The following HMGCS1 variants were observed in gnomAD, a reference collection of about 807,000 sequenced individuals.
HMGCS1 encodes 3-hydroxy-3-methylglutaryl-CoA synthase 1, also known as hydroxymethylglutaryl-CoA synthase, cytoplasmic.
HMGCS1 carries 9 observed loss-of-function variants against 52.3 expected under a neutral mutation model. The ratio of observed to expected loss-of-function variants is 0.17; its 90% confidence interval spans 0.10 to 0.30. The LOEUF is 0.30. Among genes scored for constraint, HMGCS1 ranks in the 10% least tolerant of loss-of-function variants. HMGCS1 has a pLI of 1.00. For missense variants in HMGCS1, 320 were observed against 620.9 expected (o/e 0.52, Z 5.15); for synonymous variants, 176 against 214.4 (o/e 0.82, Z 1.57).
chr5:43,298,519 A>G lies in HMGCS1; in HGVS notation c.447T>C (p.Asp149=). The stretch of plus-strand genomic sequence containing the variant: ...GCGGGGAATAGGCATGTAACATACC[A>G]TCCCAAGAGCTGGACTCAATCCAGT... ...AVNWIESSSW[D]GRYALVVAGD... The change falls in exon 3 of 11, where the codon GAT becomes GAC. Residue 149 remains aspartate, a splice_region_variant and synonymous_variant. Coordinates refer to ENST00000325110, the MANE Select transcript of HMGCS1 (RefSeq NM_001098272.3). This position sits in a 1 kb window ranked among gnomAD's most constrained non-coding sequence, Gnocchi z 5.6. The G allele has an allele frequency of 1.2e-6, 2 of 1,609,626 alleles. No individual in the cohort carries two copies. The highest frequency in any genetic ancestry group is 1.7e-6 in the Non-Finnish European group (2 of 1,176,428).
chr5:43,310,684 T>A (rs1350445515), intron 1 of HMGCS1, among the ~76,000 whole-genome samples: 1 of 152,176 alleles, frequency 6.6e-6, no homozygotes, highest in Non-Finnish European at 1.5e-5. Context: ...CTACTCTATA[T>A]GTAGTGTGTC....
At chr5:43,313,248 G>C (rs969417392) in intron 1 of HMGCS1, 108 bp downstream of exon 1, 1 of 152,528 alleles carries the variant, frequency 6.6e-6, no homozygotes, top group Non-Finnish European at 1.5e-5. Context: ...TCCTGACCCA[G>C]AGCCCCAGCT....
chr5:43,300,802 G>GA (rs34564699), intron 2 of HMGCS1, among the ~76,000 whole-genome samples: 168 of 120,396 alleles, frequency 1.4e-3, no homozygotes, highest in East Asian at 8.3e-3. Context: ...ATAGAGAAAG[G>GA]AAAAAAAAAA....
chr5:43,311,908 C>T (rs1344732659), intron 1 of HMGCS1, among the ~76,000 whole-genome samples: 3 of 152,184 alleles, frequency 2.0e-5, no homozygotes, highest in Non-Finnish European at 4.4e-5. Flanking sequence ...TAAAGTAGAA[C>T]CGAATAAAGG....
intron 6 of HMGCS1, 64 bp from the exon 7 acceptor site, chr5:43,294,925 A>G (rs1753957815): frequency 2.0e-6 from 2 of 1,002,308 alleles, no homozygotes; most frequent in Non-Finnish European, 2.9e-6. Flanking sequence ...ACTAAACAGC[A>G]GGCCTAATTA....
intron 2 of HMGCS1, among the ~76,000 whole-genome samples, chr5:43,303,663 C>T (rs1327674450): frequency 4.6e-5 from 7 of 152,226 alleles, no homozygotes; most frequent in Admixed American, 4.6e-4. Flanking sequence ...ACCGCTGCTA[C>T]TCAATTCCAC....
chr5:43,305,090 G>A (rs1013965578), intron 2 of HMGCS1, among the ~76,000 whole-genome samples: 1 of 152,010 alleles, frequency 6.6e-6, no homozygotes, highest in Non-Finnish European at 1.5e-5. Context: ...AGGTTCAAGC[G>A]ATTCTACTGC....
chr5:43,308,588 T>C (rs10941622), intron 1 of HMGCS1, among the ~76,000 whole-genome samples: 68,616 of 152,064 alleles, frequency 0.45, 16,244 homozygotes, highest in Middle Eastern at 0.61. Flanking sequence ...AACATTATTA[T>C]GTAAATTAAG....
intron 2 of HMGCS1, among the ~76,000 whole-genome samples, chr5:43,305,995 A>G (rs1754555414): frequency 6.6e-6 from 1 of 152,166 alleles, no homozygotes; most frequent in Admixed American, 6.5e-5. Context: ...TAAAATACAC[A>G]CATTTTCTTT....
Position 43,298,992 on chromosome 5 carries a change from CAG to C in HMGCS1, c.-10-19_-10-18del, listed in dbSNP as rs760389703. The C allele has an allele frequency of 3.9e-6, 6 of 1,551,250 alleles. No homozygotes were observed. In the African/African-American group the frequency reaches 5.6e-5, roughly 14 times the overall value. On this transcript the variant is annotated intron_variant, in intron 2 of 10. Coordinates refer to ENST00000325110, the MANE Select transcript of HMGCS1 (RefSeq NM_001098272.3). This position sits in a 1 kb window ranked among gnomAD's most constrained non-coding sequence, Gnocchi z 5.6. ...GTGAAAGAGCTTTAGAAAGGAGAAA[CAG>C]AAAAAAAATTGTTTTAGGTTATAAG...
Position 43,298,430 on chromosome 5 carries a change from C to T in HMGCS1, c.448+88G>A, listed in dbSNP as rs1367169939. 3.4e-5 allele frequency: 31 copies of T among 916,176 alleles called. No homozygotes were observed. The highest frequency in any genetic ancestry group is 2.0e-4 in the East Asian group (8 of 40,918). 56.8% of individuals were successfully genotyped at this position (916,176 alleles called of 1,614,324 possible). On this transcript the variant is annotated intron_variant, in intron 3 of 10. Coordinates refer to ENST00000325110, the MANE Select transcript of HMGCS1 (RefSeq NM_001098272.3). The surrounding 1 kb of genome is among the most constrained non-coding windows in gnomAD (Gnocchi z 5.6). ...AACAAGGACAAATTACAAAAGTTTG[C>T]GTATTGCATTAATTAAAGTGTCATC...
At position 43,293,920 on chromosome 5, in the gene HMGCS1, A is replaced by G. The variant is rs532983575; in HGVS notation, c.1183+136T>C. ...GTAGAGATGGGGTTTCAGCCATGTTAGCCAGACTGGTCTCGAACTCCTGAC... is the reference window on the plus strand; with the variant it reads ...GTAGAGATGGGGTTTCAGCCATGTTGGCCAGACTGGTCTCGAACTCCTGAC... On this transcript the variant is annotated intron_variant, in intron 8 of 10. Coordinates refer to ENST00000325110, the MANE Select transcript of HMGCS1 (RefSeq NM_001098272.3). 6.7e-5 allele frequency: 40 copies of G among 599,438 alleles called. No individual in the cohort carries two copies. The African/African-American group carries it at 7.0e-4, about 11-fold the overall frequency. The allele number at this position is 599,438 out of a possible 1,614,324, so 37.1% of individuals were successfully genotyped here.
At chr5:43,300,666 A>G (rs940378156) in intron 2 of HMGCS1, among the ~76,000 whole-genome samples, 1 of 152,092 alleles carries the variant, frequency 6.6e-6, no homozygotes, top group Non-Finnish European at 1.5e-5. Flanking sequence ...ATGGTGGTGC[A>G]TGCCTGCAGT....
Position 43,290,396 on chromosome 5 carries a change from T to G in HMGCS1, c.*735A>C, listed in dbSNP as rs1437493213. The G allele has an allele frequency of 6.6e-6, 1 of 152,254 alleles. No individual in the cohort carries two copies. 9.4% of individuals were successfully genotyped at this position (152,254 alleles called of 1,614,324 possible). ...ATTCAGGAGCACACCTAGAGCTATATTCACAGCTCCTGAATGTACCATGTT... is the reference window on the plus strand; with the variant it reads ...ATTCAGGAGCACACCTAGAGCTATAGTCACAGCTCCTGAATGTACCATGTT... On this transcript the variant is annotated 3_prime_UTR_variant, in exon 11 of 11. Transcript: ENST00000325110.
rs1265405774 is a variant in HMGCS1, at chr5:43,288,239, A to G, written c.*2892T>C. 6.6e-6 allele frequency: 1 copy of G among 152,240 alleles called. No individual in the cohort carries two copies. The highest frequency in any genetic ancestry group is 1.5e-5 in the Non-Finnish European group (1 of 68,046). 9.4% of individuals were successfully genotyped at this position (152,240 alleles called of 1,614,324 possible). On this transcript the variant is annotated 3_prime_UTR_variant, in exon 11 of 11. Transcript: ENST00000325110. ...TCTTCAGCATCAAATTACTGCCTTT[A>G]TAACATAGTTTGGGGAGATGAAAAC...
At chr5:43,292,223 C>T (rs1039618866) in intron 10 of HMGCS1, among the ~76,000 whole-genome samples, 3 of 152,128 alleles carry the variant, frequency 2.0e-5, no homozygotes, top group Middle Eastern at 3.4e-3. Context: ...GATCTCCTGA[C>T]CTCGTGATCT....
chr5:43,300,870 C>A (rs1754281864), intron 2 of HMGCS1, among the ~76,000 whole-genome samples: 1 of 147,242 alleles, frequency 6.8e-6, no homozygotes, highest in South Asian at 2.1e-4. Flanking sequence ...ACAGAAGAAT[C>A]TTTTTTTTTT....
At chr5:43,307,937 A>G (rs1754660215) in intron 1 of HMGCS1, 113 bp from the exon 2 acceptor site, 1 of 152,252 alleles carries the variant, frequency 6.6e-6, no homozygotes, top group African/African-American at 2.4e-5. Context: ...ATCCAATTAC[A>G]TTATGCAGAA....
intron 2 of HMGCS1, among the ~76,000 whole-genome samples, chr5:43,306,236 A>G (rs1452902959): frequency 6.6e-6 from 1 of 152,248 alleles, no homozygotes; most frequent in African/African-American, 2.4e-5. Flanking sequence ...CTTCCTGCCT[A>G]GAATACATAA....
Sources: gnomAD v4.1 joint callset for allele counts (sites outside exome capture counted in the v4.1 genomes callset) on GRCh38, gnomAD v4.1.1 for gene constraint, Gnocchi (gnomAD v3.1) non-coding constraint, MANE v1.5 for transcripts, NCBI Gene and HGNC (gene_info 2026-07-23, HGNC 2026-07-21) for gene names.